The following IGF1 variants were observed in gnomAD, a reference collection of about 807,000 sequenced individuals.
IGF1 encodes insulin-like growth factor 1.
IGF1 carries 4 observed loss-of-function variants against 13.8 expected under a neutral mutation model. That is an observed-to-expected ratio of 0.29 (90% CI 0.14 to 0.66). IGF1 has a LOEUF of 0.66. Ranked by LOEUF, IGF1 falls within the 30% of genes least tolerant of loss-of-function variation. The pLI, the probability that IGF1 is intolerant of heterozygous loss-of-function variation, is 0.78. For missense variants in IGF1, 124 were observed against 188.5 expected (o/e 0.66, Z 2.00); for synonymous variants, 76 against 72.6 (o/e 1.05, Z -0.23).
At chr12:102,416,090 T>C (rs1875113373) in intron 3 of IGF1, among the ~76,000 whole-genome samples, 1 of 152,182 alleles carries the variant, frequency 6.6e-6, no homozygotes, top group Non-Finnish European at 1.5e-5. Context: ...AGGGTGATCC[T>C]GGAGTAAAAA....
At chr12:102,427,687 A>C (rs1054061453) in intron 2 of IGF1, among the ~76,000 whole-genome samples, 2 of 152,064 alleles carry the variant, frequency 1.3e-5, no homozygotes, top group African/African-American at 4.8e-5. Flanking sequence ...TGGGAGGTGG[A>C]CGCTCCTTAA....
intron 2 of IGF1, among the ~76,000 whole-genome samples, chr12:102,433,697 T>C (rs1230376497): frequency 6.6e-6 from 1 of 152,200 alleles, no homozygotes; most frequent in African/African-American, 2.4e-5. Flanking sequence ...ATTTGGACAC[T>C]TCACAAATGC....
At chr12:102,458,367 TAGTGTTTTAATCTGGAGATCACAGCCA>T (rs1158918228) in intron 2 of IGF1, among the ~76,000 whole-genome samples, 10 of 152,162 alleles carry the variant, frequency 6.6e-5, no homozygotes, top group African/African-American at 2.4e-4. Context: ...AGGCATGCAA[TAGTGTTTTAATCTGGAGATCACAGCCA>T]GCTTCCAACA....
intron 3 of IGF1, among the ~76,000 whole-genome samples, chr12:102,411,119 A>G (rs1238248308): frequency 6.6e-6 from 1 of 152,266 alleles, no homozygotes; most frequent in Non-Finnish European, 1.5e-5. Context: ...AAATCAGAGC[A>G]TTCAATAGTG....
At chr12:102,470,623 C>T (rs1051763625) in intron 2 of IGF1, among the ~76,000 whole-genome samples, 1 of 152,124 alleles carries the variant, frequency 6.6e-6, no homozygotes, top group African/African-American at 2.4e-5. Context: ...AAAGCTTTCC[C>T]ACAGCTAGTG....
intron 2 of IGF1, among the ~76,000 whole-genome samples, chr12:102,455,598 T>G (rs982399502): frequency 6.6e-6 from 1 of 152,120 alleles, no homozygotes; most frequent in African/African-American, 2.4e-5. Flanking sequence ...GCATCTACCC[T>G]CTCTTCCAGT....
chr12:102,466,502 C>T (rs902745795), intron 2 of IGF1, among the ~76,000 whole-genome samples: 1 of 152,112 alleles, frequency 6.6e-6, no homozygotes, highest in Non-Finnish European at 1.5e-5. Context: ...CTCCCTCTCC[C>T]AGCAAAAAAT....
At position 102,399,107 on chromosome 12, in the gene IGF1, ATGTGTGTGTGTGTGTG is replaced by A. The variant is rs3032446; in HGVS notation, c.*3384_*3399del. On this transcript the variant is annotated 3_prime_UTR_variant, in exon 4 of 4. Transcript: ENST00000337514. ...GTATTCCATTGGATCCTTAGGGTGA[ATGTGTGTGTGTGTGTG>A]TGTGTGTGTGTGTGTGTGTGTGTCT... The A allele has an allele frequency of 7.3e-6, 1 of 137,796 alleles. No homozygotes were observed. Among genetic ancestry groups the A allele is most frequent in the Non-Finnish European group, 1.6e-5 (1 of 63,614 alleles). 8.5% of individuals were successfully genotyped at this position (137,796 alleles called of 1,614,324 possible). A position where few individuals can be genotyped will look rare whatever the true frequency, so the allele number is the denominator to read the frequency against.
chr12:102,442,914 T>C (rs569425336), intron 2 of IGF1, among the ~76,000 whole-genome samples: 2 of 152,244 alleles, frequency 1.3e-5, no homozygotes, highest in South Asian at 2.1e-4. Context: ...CCACTGGTTA[T>C]CTTATATCAT....
chr12:102,428,595 C>T (rs570387395), intron 2 of IGF1, among the ~76,000 whole-genome samples: 5 of 152,182 alleles, frequency 3.3e-5, no homozygotes, highest in Non-Finnish European at 7.4e-5. Context: ...GCCCTCACTT[C>T]TGTGGGCACT....
intron 2 of IGF1, among the ~76,000 whole-genome samples, chr12:102,428,642 T>C (rs1226907822): frequency 6.6e-6 from 1 of 152,224 alleles, no homozygotes; most frequent in Non-Finnish European, 1.5e-5. Flanking sequence ...GTCTTTCTAA[T>C]AATCCTTGGG....
intron 2 of IGF1, among the ~76,000 whole-genome samples, chr12:102,425,613 A>T (rs1391823973): frequency 6.6e-6 from 1 of 152,250 alleles, no homozygotes; most frequent in Non-Finnish European, 1.5e-5. Context: ...TTGGAAGCCC[A>T]AGTCAAGAGC....
intron 3 of IGF1, chr12:102,417,951 C>T: frequency 6.2e-7 from 1 of 1,613,636 alleles, no homozygotes; most frequent in Non-Finnish European, 8.5e-7. Flanking sequence ...TGTCTTTGGC[C>T]AACCTTTCCT....
At chr12:102,449,251 A>T (rs567935833) in intron 2 of IGF1, among the ~76,000 whole-genome samples, 5 of 152,132 alleles carry the variant, frequency 3.3e-5, no homozygotes, top group African/African-American at 1.2e-4. Context: ...CCTTGAAGGG[A>T]CATGGATGAA....
chr12:102,443,231 T>C (rs1337413204), intron 2 of IGF1, among the ~76,000 whole-genome samples: 1 of 152,162 alleles, frequency 6.6e-6, no homozygotes, highest in Non-Finnish European at 1.5e-5. Flanking sequence ...TAGAACTCTG[T>C]GTGGCTATGT....
At chr12:102,443,476 T>C (rs909626197) in intron 2 of IGF1, among the ~76,000 whole-genome samples, 2 of 152,110 alleles carry the variant, frequency 1.3e-5, no homozygotes, top group African/African-American at 4.8e-5. Flanking sequence ...TTTTGTGGCA[T>C]AGAGCTACTT....
At position 102,401,687 on chromosome 12, in the gene IGF1, T is replaced by A. The variant is rs1873693155; in HGVS notation, c.*820A>T. ...TGCTAAATTTACATAGTGCTCTATA[T>A]GGAAAAAATAAAAAGAGGAAAGTTA... On this transcript the variant is annotated 3_prime_UTR_variant, in exon 4 of 4. Coordinates refer to ENST00000337514, the MANE Select transcript of IGF1 (RefSeq NM_000618.5). The A allele has an allele frequency of 2.6e-5, 4 of 152,640 alleles. No homozygotes were observed. Among genetic ancestry groups the A allele is most frequent in the Admixed American group, 2.6e-4 (4 of 15,280 alleles). The allele number at this position is 152,640 out of a possible 1,614,324, so 9.5% of individuals were successfully genotyped here. A position where few individuals can be genotyped will look rare whatever the true frequency, so the allele number is the denominator to read the frequency against.
At chr12:102,414,865 A>G (rs1874949981) in intron 3 of IGF1, among the ~76,000 whole-genome samples, 1 of 152,230 alleles carries the variant, frequency 6.6e-6, no homozygotes, top group Non-Finnish European at 1.5e-5. Flanking sequence ...TATTCCAATT[A>G]GTTTTACACA....
intron 3 of IGF1, among the ~76,000 whole-genome samples, chr12:102,410,414 T>C (rs1565963480): frequency 6.6e-6 from 1 of 152,218 alleles, no homozygotes; most frequent in Non-Finnish European, 1.5e-5. Context: ...GGAGTTGATT[T>C]TGGAATTGCT....
Sources: allele counts gnomAD v4.1 joint callset (sites outside exome capture counted in the v4.1 genomes callset), GRCh38; gene constraint gnomAD v4.1.1; transcripts MANE v1.5; gene names NCBI Gene and HGNC (gene_info 2026-07-23, HGNC 2026-07-21).